The following CCDC81 variants were observed in gnomAD, a reference collection of about 807,000 sequenced individuals.
CCDC81 encodes coiled-coil domain containing 81.
CCDC81 carries 79 observed loss-of-function variants against 83.7 expected under a neutral mutation model. The ratio of observed to expected loss-of-function variants is 0.94; its 90% CI spans 0.79 to 1.14. The LOEUF (loss-of-function observed/expected upper bound fraction) is 1.14, where lower values mean the gene tolerates loss of function less well. Among genes scored for constraint, CCDC81 ranks in the 50% most tolerant of loss-of-function variants. The pLI, the probability that CCDC81 is intolerant of heterozygous loss-of-function variation, is 0.00. For missense variants in CCDC81, 791 were observed against 778.1 expected (o/e 1.02, Z -0.20); for synonymous variants, 252 against 278.1 (o/e 0.91, Z 0.93).
intron 6 of CCDC81, among the ~76,000 whole-genome samples, chr11:86,399,297 C>CT (rs1237554962): frequency 6.6e-6 from 1 of 152,076 alleles, no homozygotes; most frequent in Non-Finnish European, 1.5e-5. Context: ...ATAGAGACCC[C>CT]TTTTTTGGGA....
intron 5 of CCDC81, among the ~76,000 whole-genome samples, chr11:86,397,119 T>G (rs1033569619): frequency 6.7e-6 from 1 of 148,874 alleles, no homozygotes; most frequent in Admixed American, 6.8e-5. Flanking sequence ...ACATCCCCCT[T>G]CCTCCCTGCT....
intron 2 of CCDC81, among the ~76,000 whole-genome samples, chr11:86,387,005 C>T (rs1467104313): frequency 6.6e-6 from 1 of 152,124 alleles, no homozygotes; most frequent in Non-Finnish European, 1.5e-5. Flanking sequence ...TCCAGGGAGA[C>T]AGAAACCCAG....
At chr11:86,377,450 T>TA (rs1441822790) in intron 1 of CCDC81, among the ~76,000 whole-genome samples, 1 of 152,186 alleles carries the variant, frequency 6.6e-6, no homozygotes, top group Non-Finnish European at 1.5e-5. Flanking sequence ...CACTCCATGT[T>TA]ATTGTCAGCA....
At chr11:86,422,265 C>T (rs1306309709) in intron 14 of CCDC81, among the ~76,000 whole-genome samples, 1 of 152,158 alleles carries the variant, frequency 6.6e-6, no homozygotes, top group African/African-American at 2.4e-5. Context: ...AACAGAGAGG[C>T]TTTGGAGCCA....
At chr11:86,404,415 C>A (rs764198588) in intron 7 of CCDC81, among the ~76,000 whole-genome samples, 24 of 152,176 alleles carry the variant, frequency 1.6e-4, no homozygotes, top group Non-Finnish European at 1.5e-5. Flanking sequence ...GTATGGCCCT[C>A]AAAGCCTAAA....
At chr11:86,420,847 T>C (rs139050069) in intron 14 of CCDC81, among the ~76,000 whole-genome samples, 8 of 152,180 alleles carry the variant, frequency 5.3e-5, no homozygotes, top group African/African-American at 1.4e-4. Flanking sequence ...ACGTGGAAAA[T>C]AGGTTCCAAA....
intron 1 of CCDC81, among the ~76,000 whole-genome samples, chr11:86,381,201 A>C (rs1341712468): frequency 6.6e-6 from 1 of 152,190 alleles, no homozygotes; most frequent in Non-Finnish European, 1.5e-5. Context: ...CAGAATGGCT[A>C]AAGTGGACTG....
Position 86,375,158 on chromosome 11 carries a change from T to C in CCDC81, c.-6T>C, listed in dbSNP as rs1948082547. 6.8e-6 allele frequency: 11 copies of C among 1,612,892 alleles called. No individual in the cohort carries two copies. Among genetic ancestry groups the C allele is most frequent in the Non-Finnish European group, 8.5e-6 (10 of 1,179,262 alleles). On this transcript the variant is annotated 5_prime_UTR_variant, in exon 1 of 15. Transcript: ENST00000445632. ...CATTCAGTACGGAGTCACCTGGAAA[T>C]TGGAGATGTTGGATACGATCGCCCG...
intron 7 of CCDC81, among the ~76,000 whole-genome samples, chr11:86,406,312 T>G (rs1948565258): frequency 6.6e-6 from 1 of 152,210 alleles, no homozygotes; most frequent in Non-Finnish European, 1.5e-5. Context: ...TTGTCATTCT[T>G]TCTTGTAGCT....
intron 1 of CCDC81, among the ~76,000 whole-genome samples, chr11:86,376,703 C>G (rs1296277007): frequency 6.6e-6 from 1 of 152,176 alleles, no homozygotes; most frequent in Non-Finnish European, 1.5e-5. Flanking sequence ...ACAGAGATGT[C>G]CCACATACTG....
At chr11:86,422,527 A>G (rs1948806908) in intron 14 of CCDC81, 47 bp from the exon 15 acceptor site, 2 of 1,578,568 alleles carry the variant, frequency 1.3e-6, no homozygotes, top group South Asian at 1.1e-5. Flanking sequence ...TTGGGCCTCC[A>G]GGAACTCCAG....
chr11:86,379,785 T>C (rs1177874428), intron 1 of CCDC81, among the ~76,000 whole-genome samples: 1 of 152,088 alleles, frequency 6.6e-6, no homozygotes, highest in Non-Finnish European at 1.5e-5. Context: ...AGGATCAGCA[T>C]GGGCAATATA....
At chr11:86,421,172 G>T (rs1386440242) in intron 14 of CCDC81, among the ~76,000 whole-genome samples, 1 of 152,168 alleles carries the variant, frequency 6.6e-6, no homozygotes, top group Non-Finnish European at 1.5e-5. Context: ...GGCACAAAAA[G>T]AAAATAAAGC....
intron 5 of CCDC81, among the ~76,000 whole-genome samples, chr11:86,396,294 A>G (rs1948408407): frequency 1.3e-5 from 2 of 152,212 alleles, no homozygotes; most frequent in African/African-American, 4.8e-5. Flanking sequence ...TTTTTCTTTT[A>G]CATGAATGAA....
intron 10 of CCDC81, among the ~76,000 whole-genome samples, chr11:86,411,687 A>G (rs1948643418): frequency 6.6e-6 from 1 of 152,042 alleles, no homozygotes; most frequent in Admixed American, 6.5e-5. Context: ...CTAACTCACA[A>G]CCTACTCCAG....
chr11:86,421,253 G>A (rs1296479965), intron 14 of CCDC81, among the ~76,000 whole-genome samples: 2 of 152,148 alleles, frequency 1.3e-5, no homozygotes, highest in Non-Finnish European at 2.9e-5. Context: ...AGCCAGGTAG[G>A]TCTTCCCCTG....
chr11:86,384,912 AC>A (rs1396153892), intron 1 of CCDC81, among the ~76,000 whole-genome samples: 1 of 152,262 alleles, frequency 6.6e-6, no homozygotes, highest in African/African-American at 2.4e-5. Flanking sequence ...TTCATATCAT[AC>A]ATTAACACTT....
chr11:86,408,317 G>T (rs745863859), intron 9 of CCDC81, 47 bp downstream of exon 9: 18 of 1,493,876 alleles, frequency 1.2e-5, no homozygotes, highest in Non-Finnish European at 1.5e-5. Flanking sequence ...AATAGAACAT[G>T]ATTATATAAT....
intron 9 of CCDC81, 32 bp from the exon 10 acceptor site, chr11:86,409,229 A>T: frequency 8.6e-7 from 1 of 1,158,732 alleles, no homozygotes; most frequent in East Asian, 2.8e-5. Flanking sequence ...TTTAAAATTT[A>T]AAAATAAACT....
Sources: allele counts gnomAD v4.1 joint callset (sites outside exome capture counted in the v4.1 genomes callset), GRCh38; gene constraint gnomAD v4.1.1; transcripts MANE v1.5; gene names NCBI Gene and HGNC (gene_info 2026-07-23, HGNC 2026-07-21).